The following SNTG1 variants were observed in gnomAD, a reference collection of about 807,000 sequenced individuals.
SNTG1 encodes gamma-1-syntrophin.
In SNTG1, 39 loss-of-function variants were observed where a neutral mutation model predicts 74.7. That is an observed-to-expected ratio of 0.52 (90% CI 0.40 to 0.68). The LOEUF (loss-of-function observed/expected upper bound fraction) is 0.68, where lower values mean the gene tolerates loss of function less well. SNTG1 is among the 30% of genes least tolerant of loss of function. SNTG1 has a pLI of 0.00. For synonymous variants in SNTG1, 254 were observed against 217.1 expected (o/e 1.17, Z -1.49); for missense variants, 685 against 609.5 (o/e 1.12, Z -1.30).
chr8:49,955,249 T>C (rs915109066), intron 1 of SNTG1, among the ~76,000 whole-genome samples: 2 of 152,260 alleles, frequency 1.3e-5, no homozygotes, highest in Non-Finnish European at 2.9e-5. Context: ...ATTCACTCTT[T>C]GTTTTTTGCT....
chr8:50,426,693 T>C (rs2093167877), intron 4 of SNTG1, among the ~76,000 whole-genome samples: 1 of 151,980 alleles, frequency 6.6e-6, no homozygotes, highest in Non-Finnish European at 1.5e-5. Flanking sequence ...GCATCGAGTG[T>C]TTACAAATTC....
chr8:50,492,330 G>A (rs1333283783), intron 8 of SNTG1, among the ~76,000 whole-genome samples: 3 of 152,180 alleles, frequency 2.0e-5, no homozygotes, highest in Non-Finnish European at 4.4e-5. Flanking sequence ...CACAATGGTT[G>A]AACTAATTTA....
chr8:50,571,499 A>C (rs2094548950), intron 12 of SNTG1, among the ~76,000 whole-genome samples: 1 of 152,228 alleles, frequency 6.6e-6, no homozygotes, highest in African/African-American at 2.4e-5. Flanking sequence ...GCCAAAGCAC[A>C]CTTAATGAAG....
At chr8:50,675,733 AT>A (rs1284985920) in intron 15 of SNTG1, among the ~76,000 whole-genome samples, 5 of 152,052 alleles carry the variant, frequency 3.3e-5, no homozygotes, top group African/African-American at 9.6e-5. Flanking sequence ...CCATTAGTTG[AT>A]GCAGTTTCTT....
At chr8:50,694,883 A>T (rs536266083) in intron 15 of SNTG1, among the ~76,000 whole-genome samples, 2 of 146,582 alleles carry the variant, frequency 1.4e-5, no homozygotes, top group South Asian at 4.3e-4. Flanking sequence ...ACATTCTTTT[A>T]TAATTAAAAA....
intron 1 of SNTG1, among the ~76,000 whole-genome samples, chr8:50,052,720 G>A (rs1395825045): frequency 1.3e-5 from 2 of 152,014 alleles, no homozygotes; most frequent in East Asian, 3.9e-4. Context: ...TTAACTGACA[G>A]TAAAAAGACA....
chr8:50,370,430 G>A lies in SNTG1; in HGVS notation c.-27-23782G>A, dbSNP rs547235051. On this transcript the variant is annotated intron_variant, in intron 2 of 18. Coordinates refer to ENST00000642720, the MANE Select transcript of SNTG1 (RefSeq NM_018967.5). ...CGACCCTGTGGGAAGACCCTGATGA[G>A]TATGGGCACAATGAGCCAGTAAATT... Among the ~76,000 whole-genome samples, 18 of 152,278 alleles carry A rather than the reference G, an allele frequency of 1.2e-4. 1 individual carries two copies. The highest frequency in any genetic ancestry group is 4.1e-4 in the African/African-American group (17 of 41,556).
intron 1 of SNTG1, among the ~76,000 whole-genome samples, chr8:50,048,428 C>T (rs528904934): frequency 1.3e-5 from 2 of 152,274 alleles, no homozygotes; most frequent in South Asian, 4.1e-4. Context: ...AATGCATGAT[C>T]CTCATGTGCA....
At chr8:50,488,443 C>A in intron 8 of SNTG1, among the ~76,000 whole-genome samples, 1 of 152,150 alleles carries the variant, frequency 6.6e-6, no homozygotes, top group East Asian at 1.9e-4. Flanking sequence ...CTCCTTCTAT[C>A]CCTTGGTCGG....
chr8:50,720,569 A>C (rs1445696939), intron 17 of SNTG1, among the ~76,000 whole-genome samples: 1 of 152,214 alleles, frequency 6.6e-6, no homozygotes. Context: ...AAGTCTAAGC[A>C]TTATGAGGGC....
intron 2 of SNTG1, among the ~76,000 whole-genome samples, chr8:50,367,126 A>G (rs2092137065): frequency 6.6e-6 from 1 of 151,876 alleles, no homozygotes; most frequent in African/African-American, 2.4e-5. Flanking sequence ...GGTGATTCTA[A>G]GAGAATATTT....
intron 2 of SNTG1, among the ~76,000 whole-genome samples, chr8:50,333,619 C>T (rs59508370): frequency 0.059 from 9,002 of 152,272 alleles, 302 homozygotes; most frequent in Non-Finnish European, 0.071. Context: ...GGAAGAGGAA[C>T]AAATATATTT....
chr8:50,764,335 C>A (rs1017268112), intron 18 of SNTG1, among the ~76,000 whole-genome samples: 6 of 151,842 alleles, frequency 4.0e-5, no homozygotes, highest in Admixed American at 2.0e-4. Context: ...ATGAGGCGAC[C>A]TATATCATGG....
At chr8:50,623,661 TTCTC>T in intron 13 of SNTG1, among the ~76,000 whole-genome samples, 1 of 152,054 alleles carries the variant, frequency 6.6e-6, no homozygotes, top group South Asian at 2.1e-4. Context: ...GAAAATTTCT[TTCTC>T]TATATCATGA....
At chr8:50,404,339 C>T (rs1169856915) in intron 4 of SNTG1, among the ~76,000 whole-genome samples, 1 of 152,070 alleles carries the variant, frequency 6.6e-6, no homozygotes, top group African/African-American at 2.4e-5. Flanking sequence ...TATTGATAAA[C>T]TGTCACATCT....
intron 9 of SNTG1, among the ~76,000 whole-genome samples, chr8:50,510,292 TG>T (rs1266919617): frequency 2.6e-5 from 4 of 152,248 alleles, no homozygotes; most frequent in Admixed American, 2.6e-4. Context: ...ATAAGCTTTT[TG>T]ATGTGCTGCT....
chr8:50,254,949 T>A (rs1009110532), intron 2 of SNTG1, among the ~76,000 whole-genome samples: 12 of 30,650 alleles, frequency 3.9e-4, no homozygotes, highest in Admixed American at 6.0e-4. Context: ...TTATTGCCAC[T>A]TTTTTTTTTT....
intron 2 of SNTG1, among the ~76,000 whole-genome samples, chr8:50,195,897 C>T (rs1014291085): frequency 2.6e-5 from 4 of 152,056 alleles, no homozygotes; most frequent in African/African-American, 9.7e-5. Context: ...TGAGAGTTTG[C>T]GCAAGCTGCT....
chr8:50,274,903 C>G (rs1404018340), intron 2 of SNTG1, among the ~76,000 whole-genome samples: 1 of 152,104 alleles, frequency 6.6e-6, no homozygotes, highest in Non-Finnish European at 1.5e-5. Flanking sequence ...GGATAAATTC[C>G]ACTCGGTAGT....
Sources: allele counts gnomAD v4.1 joint callset (sites outside exome capture counted in the v4.1 genomes callset), GRCh38; gene constraint gnomAD v4.1.1; transcripts MANE v1.5; gene names NCBI Gene and HGNC (gene_info 2026-07-23, HGNC 2026-07-21).